The following ELAVL2 variants were observed in gnomAD, a reference collection of about 807,000 sequenced individuals.
ELAVL2 encodes ELAV-like protein 2.
Under a neutral mutation model 34.6 loss-of-function variants are expected in ELAVL2, and 4 were observed. The observed-to-expected ratio is 0.12, with a 90% CI of 0.06 to 0.26. The LOEUF is 0.26. Ranked by LOEUF, ELAVL2 falls within the 10% of genes least tolerant of loss-of-function variation. The pLI, the probability that ELAVL2 is intolerant of heterozygous loss-of-function variation, is 1.00. For synonymous variants in ELAVL2, 193 were observed against 154.8 expected, an observed-to-expected ratio of 1.25 and a Z score of -1.83; for missense variants, 432 against 442.8, an observed-to-expected ratio of 0.98 and a Z score of 0.22.
chr9:23,844,530 T>C, the ELAVL2 span, among the ~76,000 whole-genome samples: 8 of 151,982 alleles, frequency 5.3e-5, no homozygotes. Context: ...TAGCTCTAAT[T>C]ATCTTTAACA....
chr9:23,721,274 A>G (rs1205523447), intron 3 of ELAVL2, among the ~76,000 whole-genome samples: 2 of 152,222 alleles, frequency 1.3e-5, no homozygotes, highest in Admixed American at 6.5e-5. Flanking sequence ...CCTCTTCAAA[A>G]AGGCCACTGT....
chr9:23,734,380 A>G (rs910626493), intron 2 of ELAVL2, among the ~76,000 whole-genome samples: 3 of 152,208 alleles, frequency 2.0e-5, no homozygotes, highest in African/African-American at 7.2e-5. Context: ...CTTCTCCTAC[A>G]AGGTAGAAAT....
At chr9:23,717,254 T>C (rs1000418080) in intron 3 of ELAVL2, among the ~76,000 whole-genome samples, 3 of 152,178 alleles carry the variant, frequency 2.0e-5, no homozygotes, top group African/African-American at 7.2e-5. Context: ...TTAGAGAAAC[T>C]TCATCTTGAT....
intron 1 of ELAVL2, among the ~76,000 whole-genome samples, chr9:23,796,101 G>C (rs983175810): frequency 6.6e-6 from 1 of 152,128 alleles, no homozygotes; most frequent in African/African-American, 2.4e-5. Flanking sequence ...ATATACTTCT[G>C]CAATCCAAAG....
At chr9:23,813,669 G>C (rs13290739) in intron 1 of ELAVL2, among the ~76,000 whole-genome samples, 2,659 of 152,222 alleles carry the variant, frequency 0.017, 43 homozygotes, top group Middle Eastern at 0.034. Context: ...GAAAAGGTAA[G>C]TTAAGCTGAG....
At chr9:23,730,995 G>A (rs1295769829) in intron 3 of ELAVL2, 27 bp downstream of exon 3, 1 of 1,581,778 alleles carries the variant, frequency 6.3e-7, no homozygotes, top group African/African-American at 1.4e-5. Flanking sequence ...TGTTCCGCAA[G>A]TAGATATAAA....
At chr9:23,782,684 A>G (rs572842523) in intron 1 of ELAVL2, among the ~76,000 whole-genome samples, 1 of 152,248 alleles carries the variant, frequency 6.6e-6, no homozygotes, top group Non-Finnish European at 1.5e-5. Context: ...GAAGACAATT[A>G]GCGTACGTTC....
intron 1 of ELAVL2, among the ~76,000 whole-genome samples, chr9:23,784,156 C>A (rs1214998607): frequency 6.6e-6 from 1 of 151,712 alleles, no homozygotes; most frequent in Non-Finnish European, 1.5e-5. Context: ...CGAGATTGCG[C>A]CACGACACTC....
At chr9:23,751,844 A>C (rs1005093312) in intron 2 of ELAVL2, among the ~76,000 whole-genome samples, 1 of 152,148 alleles carries the variant, frequency 6.6e-6, no homozygotes, top group Non-Finnish European at 1.5e-5. Flanking sequence ...TAGAGCAATA[A>C]TTCCACACTC....
chr9:23,810,713 G>GTT (rs2062861204), intron 1 of ELAVL2, among the ~76,000 whole-genome samples: 1 of 152,086 alleles, frequency 6.6e-6, no homozygotes, highest in Non-Finnish European at 1.5e-5. Context: ...TCCCCACTTG[G>GTT]TTGTATCCTT....
chr9:23,849,446 A>G, the ELAVL2 span: 1 of 152,250 alleles, frequency 6.6e-6, no homozygotes, highest in Non-Finnish European at 1.5e-5. Flanking sequence ...AGAATGGTCT[A>G]ACTGCAGGAG....
At chr9:23,744,448 GAATAA>G (rs1390012220) in intron 2 of ELAVL2, among the ~76,000 whole-genome samples, 2 of 151,988 alleles carry the variant, frequency 1.3e-5, no homozygotes, top group Non-Finnish European at 2.9e-5. Flanking sequence ...TCTAATGAAG[GAATAA>G]AATAGTTATA....
intron 5 of ELAVL2, among the ~76,000 whole-genome samples, chr9:23,700,087 A>G (rs978171051): frequency 6.6e-6 from 1 of 152,268 alleles, no homozygotes; most frequent in Middle Eastern, 3.4e-3. Context: ...CAATGAAAAA[A>G]ATAAATGCAT....
chr9:23,715,960 A>G (rs1180319846), intron 3 of ELAVL2, among the ~76,000 whole-genome samples: 1 of 152,172 alleles, frequency 6.6e-6, no homozygotes, highest in Non-Finnish European at 1.5e-5. Flanking sequence ...TTCTTCATCC[A>G]TGATCTGACA....
intron 1 of ELAVL2, among the ~76,000 whole-genome samples, chr9:23,797,771 A>C (rs1386396674): frequency 5.3e-5 from 8 of 152,206 alleles, no homozygotes. Context: ...TCTGCTAAAA[A>C]TACAAAATTA....
intron 3 of ELAVL2, among the ~76,000 whole-genome samples, chr9:23,706,947 C>G (rs909777222): frequency 2.0e-5 from 3 of 152,162 alleles, no homozygotes; most frequent in Admixed American, 6.5e-5. Context: ...ATTTAATACT[C>G]TTCTTTATTC....
intron 5 of ELAVL2, among the ~76,000 whole-genome samples, chr9:23,700,822 A>G (rs2036935288): frequency 6.6e-6 from 1 of 152,190 alleles, no homozygotes; most frequent in Admixed American, 6.5e-5. Context: ...CATACTATAA[A>G]GTGAAGTAAC....
chr9:23,727,146 A>G (rs930114535), intron 3 of ELAVL2, among the ~76,000 whole-genome samples: 1 of 152,066 alleles, frequency 6.6e-6, no homozygotes, highest in African/African-American at 2.4e-5. Flanking sequence ...GGCTTAACCC[A>G]AAATAGCTGC....
chr9:23,699,617 A>G (rs2036446577), intron 5 of ELAVL2, among the ~76,000 whole-genome samples: 1 of 151,984 alleles, frequency 6.6e-6, no homozygotes, highest in South Asian at 2.1e-4. Context: ...TGTTCATCCT[A>G]CGTTTGCAAT....
Sources: allele counts gnomAD v4.1 joint callset (sites outside exome capture counted in the v4.1 genomes callset), GRCh38; gene constraint gnomAD v4.1.1; transcripts MANE v1.5; gene names NCBI Gene and HGNC (gene_info 2026-07-23, HGNC 2026-07-21).